The following FOXP1 variants were observed in gnomAD, a reference collection of about 807,000 sequenced individuals.
FOXP1 encodes forkhead box protein P1.
Under a neutral mutation model 98.2 loss-of-function variants are expected in FOXP1, and 15 were observed. The ratio of observed to expected loss-of-function variants is 0.15; its 90% CI spans 0.10 to 0.24. The LOEUF (loss-of-function observed/expected upper bound fraction) is 0.24, where lower values mean the gene tolerates loss of function less well. Among genes scored for constraint, FOXP1 ranks in the 10% least tolerant of loss-of-function variants. The pLI, the probability that FOXP1 is intolerant of heterozygous loss-of-function variation, is 1.00. For synonymous variants in FOXP1, 371 were observed against 314.5 expected (o/e 1.18, Z -1.90); for missense variants, 633 against 848.5 (o/e 0.75, Z 3.15).
In FOXP1 at chr3:70,956,434, T is replaced by C. The variant is rs1480576830; in HGVS notation, c.*2813A>G. The C allele has an allele frequency of 9.0e-6, 2 of 221,582 alleles. No individual in the cohort carries two copies. Among genetic ancestry groups the C allele is most frequent in the African/African-American group, 2.3e-5 (1 of 44,442 alleles). The allele number at this position is 221,582 out of a possible 1,614,324, so 13.7% of individuals were successfully genotyped here. ...ATTTTTCTTTTTTTTTTTTTTTTGC[T>C]ACAGTCTTTAGACTAAGCATGCAAG... is the stretch of plus-strand genomic sequence containing the variant. On this transcript the variant is annotated 3_prime_UTR_variant, in exon 21 of 21. Coordinates refer to ENST00000649528, the MANE Select transcript of FOXP1 (RefSeq NM_001349338.3).
At chr3:71,200,018 G>T (rs2063562240) in intron 5 of FOXP1, among the ~76,000 whole-genome samples, 1 of 135,420 alleles carries the variant, frequency 7.4e-6, no homozygotes, top group Non-Finnish European at 1.5e-5. Context: ...GGAGGCGGAG[G>T]TTGCAGTGAG....
intron 5 of FOXP1, among the ~76,000 whole-genome samples, chr3:71,276,800 T>C (rs2107352277): frequency 6.6e-6 from 1 of 152,208 alleles, no homozygotes; most frequent in Non-Finnish European, 1.5e-5. Context: ...TAATTATGTA[T>C]TGCTGTTAAC....
intron 10 of FOXP1, among the ~76,000 whole-genome samples, chr3:71,043,707 G>A (rs369133520): frequency 2.6e-5 from 4 of 152,298 alleles, no homozygotes; most frequent in African/African-American, 7.2e-5. Flanking sequence ...CAGCTGCATG[G>A]GAGGTGGGAA....
chr3:71,583,466 T>TTTC, intron 1 of FOXP1, 105 bp downstream of exon 1: 2 of 326,648 alleles, frequency 6.1e-6, no homozygotes, highest in Non-Finnish European at 8.4e-6. Flanking sequence ...TCTTTCTTTC[T>TTTC]TTTTTTTTTT....
chr3:71,000,272 T>C (rs2041941476), intron 13 of FOXP1, among the ~76,000 whole-genome samples: 1 of 150,146 alleles, frequency 6.7e-6, no homozygotes, highest in Non-Finnish European at 1.5e-5. Context: ...ACATTCAACA[T>C]AGCCCAATGG....
At chr3:70,993,315 C>T (rs775468345) in intron 13 of FOXP1, among the ~76,000 whole-genome samples, 7 of 152,270 alleles carry the variant, frequency 4.6e-5, no homozygotes, top group Admixed American at 1.3e-4. Flanking sequence ...GACAGAGCTC[C>T]GCAAGGCAGA....
chr3:71,046,853 A>ATT, intron 10 of FOXP1, 89 bp downstream of exon 10: 1 of 1,412,610 alleles, frequency 7.1e-7, no homozygotes, highest in Non-Finnish European at 1.0e-6. Flanking sequence ...TTTGATGGAC[A>ATT]ATGTCCTTAA....
intron 4 of FOXP1, among the ~76,000 whole-genome samples, chr3:71,329,588 A>G (rs1178885302): frequency 1.3e-4 from 19 of 147,730 alleles, no homozygotes; most frequent in Admixed American, 3.3e-4. Flanking sequence ...AAATGTTGAA[A>G]AAAAAAAAAA....
rs61753355 is a variant in FOXP1 at position 71,041,493 on chromosome 3, A to G, written c.704T>C (p.Val235Ala). ...PTELQQLWKE[V>A]TSAHTAEETT... ...TTCTTCTGCAGTATGAGCACTTGTC[A>G]CTTCTTTCCAGAGCTGCTGCAGTTC... The change falls in exon 11 of 21, where the codon GTG becomes GCG. Residue 235 changes from valine to alanine, a missense_variant. Transcript: ENST00000649528. 3 of 1,613,750 alleles carry G rather than the reference A, an allele frequency of 1.9e-6. No individual in the cohort carries two copies. The African/African-American group carries it at 4.0e-5, about 22-fold the overall frequency.
intron 7 of FOXP1, among the ~76,000 whole-genome samples, chr3:71,112,133 T>A (rs1309315165): frequency 7.6e-6 from 1 of 131,634 alleles, no homozygotes; most frequent in Non-Finnish European, 1.6e-5. Context: ...GGTGGGGGGG[T>A]CGCCAAAATC....
chr3:71,443,607 C>T (rs944127746), intron 3 of FOXP1, among the ~76,000 whole-genome samples: 3 of 152,138 alleles, frequency 2.0e-5, no homozygotes, highest in African/African-American at 7.2e-5. Flanking sequence ...ACTGCCAGCC[C>T]TCATGCCAGA....
At chr3:71,276,393 C>G (rs1185254685) in intron 5 of FOXP1, 3 of 152,048 alleles carry the variant, frequency 2.0e-5, no homozygotes, top group Non-Finnish European at 4.4e-5. Flanking sequence ...CGGTTCTTCC[C>G]TGAAAAATCT....
intron 4 of FOXP1, among the ~76,000 whole-genome samples, chr3:71,348,553 G>GCGCGCGCA (rs1553853275): frequency 2.9e-4 from 38 of 130,638 alleles, no homozygotes; most frequent in African/African-American, 1.2e-3. Context: ...GTGTGTGCGT[G>GCGCGCGCA]CGCGCGCGCA....
intron 1 of FOXP1, chr3:71,582,373 G>T: frequency 1.0e-6 from 1 of 978,162 alleles, no homozygotes; most frequent in African/African-American, 1.7e-5. Flanking sequence ...TCGGCTCCCG[G>T]CGCCGCCGCC....
chr3:71,110,677 T>A (rs1258236528), intron 7 of FOXP1, among the ~76,000 whole-genome samples: 2 of 152,252 alleles, frequency 1.3e-5, no homozygotes, highest in Admixed American at 1.3e-4. Context: ...CCTCCGCTGC[T>A]GACCTCTGAA....
intron 2 of FOXP1, chr3:71,581,154 G>A (rs952189300): frequency 2.0e-6 from 2 of 983,300 alleles, no homozygotes; most frequent in Admixed American, 6.2e-5. Flanking sequence ...GAAAGCATAG[G>A]ATGAGCCCAG....
intron 5 of FOXP1, among the ~76,000 whole-genome samples, chr3:71,296,784 T>C (rs1008402399): frequency 6.6e-6 from 1 of 152,200 alleles, no homozygotes; most frequent in Admixed American, 6.5e-5. Context: ...CTCTCACGAA[T>C]GGCTAGTGTC....
intron 7 of FOXP1, among the ~76,000 whole-genome samples, chr3:71,067,765 A>AC (rs1559862436): frequency 8.3e-5 from 1 of 12,084 alleles, no homozygotes; most frequent in Non-Finnish European, 4.0e-4. Context: ...CACACACACA[A>AC]TTAGCCACGT....
rs1016576555 is a variant in FOXP1 at position 71,078,023 on chromosome 3, G to T, written c.283-24250C>A. On this transcript the variant is annotated intron_variant, in intron 7 of 20. Coordinates refer to ENST00000649528, the MANE Select transcript of FOXP1 (RefSeq NM_001349338.3). The stretch of plus-strand genomic sequence containing the variant: ...AATTTTGTATTTTTAGTAGAGACAG[G>T]GTTTCTCCATGTCTGTCAGGCTGCT... Among the ~76,000 whole-genome samples, 4 of 152,042 alleles carry T rather than the reference G, an allele frequency of 2.6e-5. No homozygotes were observed. In the East Asian group the frequency reaches 7.7e-4, roughly 29 times the overall value.
Sources: gnomAD v4.1 joint callset for allele counts (sites outside exome capture counted in the v4.1 genomes callset) on GRCh38, gnomAD v4.1.1 for gene constraint, MANE v1.5 for transcripts, NCBI Gene and HGNC (gene_info 2026-07-23, HGNC 2026-07-21) for gene names.